The following NCKAP5 variants were observed in gnomAD, a reference collection of about 807,000 sequenced individuals.
The protein encoded by NCKAP5 is NCK associated protein 5.
Under a neutral mutation model 167.0 loss-of-function variants are expected in NCKAP5, and 92 were observed. The ratio of observed to expected loss-of-function variants is 0.55; its 90% CI spans 0.47 to 0.66. The LOEUF (loss-of-function observed/expected upper bound fraction) is 0.66. NCKAP5 is among the 30% of genes least tolerant of loss of function. The pLI is 0.00. For missense variants in NCKAP5, 2,378 were observed against 2,315.0 expected, an observed-to-expected ratio of 1.03 and a Z score of -0.56; for synonymous variants, 891 against 877.4, an observed-to-expected ratio of 1.02 and a Z score of -0.27.
chr2:133,432,554 C>A lies in NCKAP5; in HGVS notation c.69+84904G>T, dbSNP rs373023888. ...GCACTGATGGACTCGGCTCCAAATA[C>A]AAGCCTGTCAAGTAGCTTGTTTACA... On this transcript the variant is annotated intron_variant, in intron 3 of 19. Coordinates refer to ENST00000409261, the MANE Select transcript of NCKAP5 (RefSeq NM_207363.3). 1.1e-3 allele frequency among the ~76,000 whole-genome samples: 165 copies of A among 152,256 alleles called. 1 individual carries two copies. The highest frequency in any genetic ancestry group is 3.8e-3 in the African/African-American group (159 of 41,556).
chr2:132,727,000 C>T (rs967188057), intron 18 of NCKAP5, among the ~76,000 whole-genome samples: 1 of 152,198 alleles, frequency 6.6e-6, no homozygotes, highest in Non-Finnish European at 1.5e-5. Flanking sequence ...CTAACTGAAC[C>T]AGGCATCGTG....
chr2:133,547,484 C>A (rs1482636105), intron 2 of NCKAP5, among the ~76,000 whole-genome samples: 3 of 152,044 alleles, frequency 2.0e-5, no homozygotes, highest in African/African-American at 7.2e-5. Flanking sequence ...CCCTGTCTGA[C>A]AGCTTTGAAG....
At chr2:133,159,471 T>C (rs1322804683) in intron 5 of NCKAP5, among the ~76,000 whole-genome samples, 1 of 152,204 alleles carries the variant, frequency 6.6e-6, no homozygotes, top group Non-Finnish European at 1.5e-5. Context: ...ATCTGTTGTT[T>C]TCAGCTGCTA....
At chr2:133,277,661 A>G (rs2089784432) in intron 4 of NCKAP5, among the ~76,000 whole-genome samples, 1 of 152,182 alleles carries the variant, frequency 6.6e-6, no homozygotes, top group Non-Finnish European at 1.5e-5. Context: ...ACTTAAGTTT[A>G]TGTGAAGAAA....
At chr2:133,472,197 CATG>C (rs1679400325) in intron 3 of NCKAP5, among the ~76,000 whole-genome samples, 1 of 152,004 alleles carries the variant, frequency 6.6e-6, no homozygotes, top group Non-Finnish European at 1.5e-5. Flanking sequence ...TGCTTGTTTC[CATG>C]ATATTATAAA....
At chr2:133,234,479 G>T (rs2087302059) in intron 4 of NCKAP5, among the ~76,000 whole-genome samples, 2 of 152,120 alleles carry the variant, frequency 1.3e-5, no homozygotes, top group Middle Eastern at 3.2e-3. Flanking sequence ...GGCAGATCTA[G>T]GTCTCCACAA....
chr2:133,354,164 T>G (rs1684548382), intron 3 of NCKAP5, among the ~76,000 whole-genome samples: 1 of 152,098 alleles, frequency 6.6e-6, no homozygotes. Context: ...CCATTTCAAA[T>G]TCTTCTCCCC....
intron 16 of NCKAP5, among the ~76,000 whole-genome samples, chr2:132,768,678 C>T (rs559882754): frequency 1.9e-3 from 258 of 137,102 alleles, no homozygotes; most frequent in African/African-American, 6.7e-3. Flanking sequence ...CTCGCTCTGT[C>T]ACCCAGGCTG....
the NCKAP5 span, among the ~76,000 whole-genome samples, chr2:133,630,442 T>C: frequency 6.6e-6 from 1 of 152,246 alleles, no homozygotes; most frequent in South Asian, 2.1e-4. Flanking sequence ...GATGGTGCAC[T>C]TTGGGTGAAT....
At chr2:133,627,513 G>A in the NCKAP5 span, among the ~76,000 whole-genome samples, 3 of 152,058 alleles carry the variant, frequency 2.0e-5, no homozygotes, top group African/African-American at 4.8e-5. Flanking sequence ...AGTGCTTCAC[G>A]CCTGTAATCC....
chr2:133,326,952 TGCTGCC>T (rs1559386590), intron 3 of NCKAP5, among the ~76,000 whole-genome samples: 1 of 152,236 alleles, frequency 6.6e-6, no homozygotes, highest in African/African-American at 2.4e-5. Flanking sequence ...CTGCTGCTGC[TGCTGCC>T]GCCAGCCTGG....
chr2:132,720,677 G>A (rs892748061), intron 19 of NCKAP5, among the ~76,000 whole-genome samples: 1 of 152,114 alleles, frequency 6.6e-6, no homozygotes, highest in Non-Finnish European at 1.5e-5. Context: ...ATGGAGGACC[G>A]ACTGCCACTA....
intron 8 of NCKAP5, among the ~76,000 whole-genome samples, chr2:132,889,026 A>C (rs910667511): frequency 6.6e-6 from 1 of 152,214 alleles, no homozygotes; most frequent in Non-Finnish European, 1.5e-5. Flanking sequence ...AACACTTCTT[A>C]TATGAGCTAC....
chr2:133,584,359 T>C, the NCKAP5 span, among the ~76,000 whole-genome samples: 1 of 152,218 alleles, frequency 6.6e-6, no homozygotes, highest in Non-Finnish European at 1.5e-5. Flanking sequence ...TGAGAGGCAG[T>C]GCCTAGCCTG....
chr2:133,667,828 A>G, the NCKAP5 span, among the ~76,000 whole-genome samples: 5 of 151,960 alleles, frequency 3.3e-5, no homozygotes, highest in African/African-American at 1.2e-4. Context: ...AAAGAGCACA[A>G]TTCAGTAGGC....
intron 9 of NCKAP5, among the ~76,000 whole-genome samples, chr2:132,874,873 C>T (rs1003342367): frequency 6.6e-6 from 1 of 151,476 alleles, no homozygotes; most frequent in South Asian, 2.1e-4. Context: ...CAGAAACACA[C>T]CTTGAGAAAC....
rs183345664 is a variant in NCKAP5 at position 132,692,811 on chromosome 2, G to A, written c.5714-19506C>T. ...AGCTAAGTTAATAAAGTTGACTGTGGCCAGTGAGAAATTCTCCATGATCTA... is the reference window on the plus strand; with the variant it reads ...AGCTAAGTTAATAAAGTTGACTGTGACCAGTGAGAAATTCTCCATGATCTA... On this transcript the variant is annotated intron_variant, in intron 19 of 19. Coordinates refer to ENST00000409261, the MANE Select transcript of NCKAP5 (RefSeq NM_207363.3). Among the ~76,000 whole-genome samples the A allele has an allele frequency of 1.4e-4, 21 of 151,810 alleles. No homozygotes were observed. In the East Asian group the frequency reaches 3.7e-3, roughly 27 times the overall value.
chr2:133,181,077 T>C (rs1004361099), intron 5 of NCKAP5, among the ~76,000 whole-genome samples: 3 of 152,010 alleles, frequency 2.0e-5, no homozygotes, highest in Admixed American at 6.5e-5. Flanking sequence ...TAAATAAATA[T>C]AATGGGTTTT....
At position 132,782,919 on chromosome 2, in the gene NCKAP5, G is replaced by A. The variant is rs891045150; in HGVS notation, c.3892C>T (p.Arg1298Cys). Residue 1298 changes from arginine to cysteine, a missense_variant, in exon 14 of 20, where the codon CGC becomes TGC. Arg to Cys is a radical substitution (Grantham distance 180). This residue lies in a region of NCKAP5 where 1,325 missense variants were observed against 1,274.5 expected (regional missense o/e 1.04). Coordinates refer to ENST00000409261, the MANE Select transcript of NCKAP5 (RefSeq NM_207363.3). Reference sequence around the variant, plus strand: ...GCGGTATTGGTAATGATCTGAGTGCGGACTTTGCCTGACCCTTCGATGGGG... The same window carrying A: ...GCGGTATTGGTAATGATCTGAGTGCAGACTTTGCCTGACCCTTCGATGGGG... Reference protein sequence around the residue: ...TPPIEGSGKVRTQIITNTAER... With the variant: ...TPPIEGSGKVCTQIITNTAER... The A allele has an allele frequency of 5.0e-6, 8 of 1,613,866 alleles. No individual in the cohort carries two copies. The highest frequency in any genetic ancestry group is 3.3e-5 in the Admixed American group (2 of 59,998).
Sources: gnomAD v4.1 joint callset for allele counts (sites outside exome capture counted in the v4.1 genomes callset) on GRCh38, gnomAD v4.1.1 for gene constraint, gnomAD v4.1.1 regional missense constraint, MANE v1.5 for transcripts, NCBI Gene and HGNC (gene_info 2026-07-23, HGNC 2026-07-21) for gene names.